Variants in ATP6V1G1 observed in about 807,000 individuals in gnomAD.
ATP6V1G1 encodes the protein V-type proton ATPase subunit G 1.
In ATP6V1G1, 14 loss-of-function variants were observed where a neutral mutation model predicts 14.2. The ratio of observed to expected loss-of-function variants is 0.99; its 90% CI spans 0.65 to 1.55. ATP6V1G1 has a LOEUF of 1.55. Ranked by LOEUF, ATP6V1G1 falls within the 40% of genes most tolerant of loss-of-function variation. The pLI is 0.00. For missense variants in ATP6V1G1, 137 were observed against 146.4 expected, an observed-to-expected ratio of 0.94 and a Z score of 0.33; for synonymous variants, 65 against 53.3, an observed-to-expected ratio of 1.22 and a Z score of -0.96.
intron 2 of ATP6V1G1, among the ~76,000 whole-genome samples, chr9:114,595,510 C>T (rs574684043): frequency 1.5e-4 from 23 of 152,158 alleles, no homozygotes; most frequent in South Asian, 1.0e-3. Flanking sequence ...AGAAATTAGC[C>T]GGGCATGGTG....
intron 1 of ATP6V1G1, among the ~76,000 whole-genome samples, chr9:114,589,923 C>T (rs1271287517): frequency 6.6e-6 from 1 of 152,014 alleles, no homozygotes; most frequent in Non-Finnish European, 1.5e-5. Context: ...TTTGGCTGGG[C>T]GTGGTGGCTC....
intron 2 of ATP6V1G1, among the ~76,000 whole-genome samples, chr9:114,596,680 G>T (rs1371311905): frequency 6.6e-6 from 1 of 151,992 alleles, no homozygotes; most frequent in African/African-American, 2.4e-5. Flanking sequence ...TTTTGCTCAG[G>T]TAGGGCTCCA....
At chr9:114,596,488 T>G (rs1845240080) in intron 2 of ATP6V1G1, among the ~76,000 whole-genome samples, 1 of 152,180 alleles carries the variant, frequency 6.6e-6, no homozygotes, top group Non-Finnish European at 1.5e-5. Flanking sequence ...TTAACAGGTT[T>G]CTTTTTTTAT....
chr9:114,594,437 G>A (rs535188261), intron 2 of ATP6V1G1, among the ~76,000 whole-genome samples: 6 of 149,530 alleles, frequency 4.0e-5, no homozygotes, highest in African/African-American at 7.4e-5. Context: ...AGGCTGGAGC[G>A]CAGTGGCGTC....
At chr9:114,596,765 T>G (rs1333278944) in intron 2 of ATP6V1G1, among the ~76,000 whole-genome samples, 2 of 152,076 alleles carry the variant, frequency 1.3e-5, no homozygotes, top group African/African-American at 4.8e-5. Flanking sequence ...GGCTTGTGTT[T>G]ATTATTATTT....
At chr9:114,589,948 A>G (rs1157596043) in intron 1 of ATP6V1G1, among the ~76,000 whole-genome samples, 1 of 152,156 alleles carries the variant, frequency 6.6e-6, no homozygotes, top group Admixed American at 6.5e-5. Context: ...CTGTAATCCC[A>G]GCACTTTGGG....
At chr9:114,595,529 G>T (rs1386519374) in intron 2 of ATP6V1G1, among the ~76,000 whole-genome samples, 1 of 152,126 alleles carries the variant, frequency 6.6e-6, no homozygotes, top group Non-Finnish European at 1.5e-5. Context: ...TGGTGTATAC[G>T]TGTAGTTCCA....
chr9:114,595,051 A>G (rs1589313863), intron 2 of ATP6V1G1, among the ~76,000 whole-genome samples: 2 of 145,226 alleles, frequency 1.4e-5, no homozygotes, highest in South Asian at 4.4e-4. Context: ...TCTTTTTAGT[A>G]GAGACAGGGT....
At chr9:114,592,529 A>T in intron 1 of ATP6V1G1, 23 bp from the exon 2 acceptor site, 1 of 1,549,324 alleles carries the variant, frequency 6.5e-7, no homozygotes, top group Non-Finnish European at 8.7e-7. Flanking sequence ...ACTTCCTGAT[A>T]TAGCTCTCTC....
intron 2 of ATP6V1G1, among the ~76,000 whole-genome samples, chr9:114,593,921 T>C (rs1845208630): frequency 6.6e-6 from 1 of 152,080 alleles, no homozygotes; most frequent in South Asian, 2.1e-4. Flanking sequence ...CAAGACCCTG[T>C]CTCTACAAAA....
At chr9:114,588,939 TG>T (rs1845156619) in intron 1 of ATP6V1G1, among the ~76,000 whole-genome samples, 1 of 152,216 alleles carries the variant, frequency 6.6e-6, no homozygotes. Flanking sequence ...GAGGCTCTTG[TG>T]GGTCAGGCCT....
At chr9:114,594,197 G>C (rs1176492660) in intron 2 of ATP6V1G1, among the ~76,000 whole-genome samples, 2 of 151,642 alleles carry the variant, frequency 1.3e-5, no homozygotes, top group African/African-American at 4.9e-5. Flanking sequence ...AACCTCCCGA[G>C]TAGCTGAAAT....
In ATP6V1G1 at chr9:114,590,209, A is replaced by C. The variant is rs546151717; in HGVS notation, c.82+2289A>C. ...GGGAGACGCCGTCTCAAAAAAAAAA[A>C]AAAACAAAAAACAAACCAAAGTATT... On this transcript the variant is annotated intron_variant, in intron 1 of 2. Transcript: ENST00000374050. Among the ~76,000 whole-genome samples, 206 of 151,604 alleles carry C rather than the reference A, an allele frequency of 1.4e-3. 5 individuals are homozygous for C. In the Middle Eastern group the frequency reaches 0.017, roughly 13 times the overall value.
Position 114,589,613 on chromosome 9 carries a change from G to A in ATP6V1G1, c.82+1693G>A, listed in dbSNP as rs148893402. Among the ~76,000 whole-genome samples the A allele has an allele frequency of 4.4e-3, 675 of 152,234 alleles. 3 individuals are homozygous for A. Among genetic ancestry groups the A allele is most frequent in the African/African-American group, 0.015 (642 of 41,548 alleles). On this transcript the variant is annotated intron_variant, in intron 1 of 2. Coordinates refer to ENST00000374050, the MANE Select transcript of ATP6V1G1 (RefSeq NM_004888.4). The stretch of plus-strand genomic sequence containing the variant: ...AGAAGAAGCCTTTTGTTCTTGCTCC[G>A]GTGACTGGAAAGTTCTTTGTTCTTC...
In ATP6V1G1 at chr9:114,597,851, A is replaced by G. The variant is rs937242253; in HGVS notation, c.*108A>G. ...TATGATATGGCATTAAATTATTTCC[A>G]TATATTATATAATAGGTCCTTCCAC... is the stretch of plus-strand genomic sequence containing the variant. On this transcript the variant is annotated 3_prime_UTR_variant, in exon 3 of 3. Transcript: ENST00000374050. 1.3e-5 allele frequency: 13 copies of G among 1,028,680 alleles called. No homozygotes were observed. Among genetic ancestry groups the G allele is most frequent in the Non-Finnish European group, 1.3e-6 (1 of 788,108 alleles). 63.7% of individuals were successfully genotyped at this position (1,028,680 alleles called of 1,614,324 possible).
At chr9:114,588,023 C>A in intron 1 of ATP6V1G1, 103 bp downstream of exon 1, 1 of 1,250,306 alleles carries the variant, frequency 8.0e-7, no homozygotes. Context: ...GGGGTGCGGG[C>A]GTGCGTATAG....
chr9:114,587,785 G>C lies in ATP6V1G1; in HGVS notation c.-54G>C. ...TGGGCGGCTGTGTCAGCTGACCCAAGGGGCCTTCGAGGTGCCTTAGGCCGC... is the reference window on the plus strand; with the variant it reads ...TGGGCGGCTGTGTCAGCTGACCCAACGGGCCTTCGAGGTGCCTTAGGCCGC... On this transcript the variant is annotated 5_prime_UTR_variant, in exon 1 of 3. Transcript: ENST00000374050. 6.5e-7 allele frequency: 1 copy of C among 1,537,742 alleles called. No homozygotes were observed. Among genetic ancestry groups the C allele is most frequent in the Non-Finnish European group, 8.8e-7 (1 of 1,135,248 alleles).
intron 2 of ATP6V1G1, among the ~76,000 whole-genome samples, chr9:114,594,324 C>T (rs1845213334): frequency 6.6e-6 from 1 of 151,798 alleles, no homozygotes; most frequent in Non-Finnish European, 1.5e-5. Context: ...CTGCCCCGGC[C>T]TCCCAGAGTG....
At chr9:114,594,774 C>T (rs1450014530) in intron 2 of ATP6V1G1, among the ~76,000 whole-genome samples, 3 of 152,064 alleles carry the variant, frequency 2.0e-5, no homozygotes, top group Non-Finnish European at 4.4e-5. Context: ...ACATTCTGTG[C>T]TGTAGTTGAT....
Sources: allele counts gnomAD v4.1 joint callset (sites outside exome capture counted in the v4.1 genomes callset), GRCh38; gene constraint gnomAD v4.1.1; transcripts MANE v1.5; gene names NCBI Gene and HGNC (gene_info 2026-07-23, HGNC 2026-07-21).